PTPRN2: variants seen among roughly 807,000 people sequenced by gnomAD.
PTPRN2 encodes protein tyrosine phosphatase receptor type N2.
In PTPRN2, 74 loss-of-function variants were observed where a neutral mutation model predicts 118.8. That is an observed-to-expected ratio of 0.62 (90% confidence interval 0.52 to 0.76). The LOEUF (loss-of-function observed/expected upper bound fraction) is 0.76. Among genes scored for constraint, PTPRN2 ranks in the 30% least tolerant of loss-of-function variants. The pLI is 0.00. For synonymous variants in PTPRN2, 641 were observed against 608.0 expected (o/e 1.05, Z -0.80); for missense variants, 1,481 against 1,394.4 (o/e 1.06, Z -0.99).
intron 10 of PTPRN2, among the ~76,000 whole-genome samples, chr7:158,097,932 G>A (rs958842093): frequency 1.3e-5 from 2 of 152,168 alleles, no homozygotes; most frequent in African/African-American, 4.8e-5. Flanking sequence ...GGAACAATGA[G>A]CAGCTCCCAG....
intron 3 of PTPRN2, among the ~76,000 whole-genome samples, chr7:158,269,749 GAGAGAC>G (rs1798168202): frequency 7.1e-6 from 1 of 141,522 alleles, no homozygotes; most frequent in African/African-American, 2.7e-5. Flanking sequence ...CAGAGACAGA[GAGAGAC>G]AGAGACAGAG....
At chr7:157,658,527 G>A (rs1795710174) in intron 13 of PTPRN2, among the ~76,000 whole-genome samples, 1 of 152,186 alleles carries the variant, frequency 6.6e-6, no homozygotes, top group South Asian at 2.1e-4. Flanking sequence ...GGCATCCCGA[G>A]CACCTGCCCG....
intron 5 of PTPRN2, among the ~76,000 whole-genome samples, chr7:158,168,121 A>G (rs1025480015): frequency 9.8e-5 from 15 of 152,360 alleles, no homozygotes; most frequent in Admixed American, 6.5e-4. Flanking sequence ...ATGGATGCAG[A>G]TGCCAGTTCC....
chr7:157,626,368 G>T (rs1411796793), intron 14 of PTPRN2, among the ~76,000 whole-genome samples: 1 of 152,132 alleles, frequency 6.6e-6, no homozygotes, highest in East Asian at 1.9e-4. Flanking sequence ...CCATAAGACT[G>T]CTTCTCAGCC....
chr7:157,791,026 G>A (rs1002383652), intron 12 of PTPRN2, among the ~76,000 whole-genome samples: 12 of 152,018 alleles, frequency 7.9e-5, no homozygotes, highest in African/African-American at 2.7e-4. Flanking sequence ...AAGTAATTTG[G>A]CAATAAAAAT....
At position 157,539,541 on chromosome 7, in the gene PTPRN2, A is replaced by G. The variant is rs1030184645; in HGVS notation, c.*1173T>C. The G allele has an allele frequency of 6.6e-6, 1 of 152,218 alleles. No individual in the cohort carries two copies. Among genetic ancestry groups the G allele is most frequent in the African/African-American group, 2.4e-5 (1 of 41,438 alleles). The allele number at this position is 152,218 out of a possible 1,614,324, so 9.4% of individuals were successfully genotyped here. A position where few individuals can be genotyped will look rare whatever the true frequency, so the allele number is the denominator to read the frequency against. On this transcript the variant is annotated 3_prime_UTR_variant, in exon 23 of 23. Coordinates refer to ENST00000389418, the MANE Select transcript of PTPRN2 (RefSeq NM_002847.5). Reference sequence around the variant, plus strand: ...GGGTGATGGCGAATCGGATACTCAAATGTTATTTTGTCAAATCCGAATCAT... The same window carrying G: ...GGGTGATGGCGAATCGGATACTCAAGTGTTATTTTGTCAAATCCGAATCAT...
chr7:158,523,397 G>C (rs1824376529), intron 1 of PTPRN2, among the ~76,000 whole-genome samples: 2 of 132,114 alleles, frequency 1.5e-5, no homozygotes, highest in Admixed American at 1.5e-4. Context: ...CTGGAGCGGA[G>C]TCATCTGCCC....
chr7:158,503,801 G>A (rs148878457), intron 1 of PTPRN2, among the ~76,000 whole-genome samples: 104 of 152,244 alleles, frequency 6.8e-4, no homozygotes, highest in Non-Finnish European at 1.3e-3. Context: ...AGGAGTTGTA[G>A]ACCAGCCTGG....
chr7:158,393,890 G>A (rs1342530205), intron 2 of PTPRN2, among the ~76,000 whole-genome samples: 4 of 151,866 alleles, frequency 2.6e-5, no homozygotes, highest in East Asian at 1.9e-4. Context: ...CCAAGGCCAC[G>A]TCCCCTAACA....
chr7:157,963,665 G>C (rs1408945124), intron 11 of PTPRN2, among the ~76,000 whole-genome samples: 1 of 152,206 alleles, frequency 6.6e-6, no homozygotes, highest in Non-Finnish European at 1.5e-5. Context: ...AGTCTGCAGG[G>C]GGGAGATCTG....
intron 11 of PTPRN2, among the ~76,000 whole-genome samples, chr7:157,968,661 C>T (rs1802105759): frequency 6.6e-6 from 1 of 152,188 alleles, no homozygotes; most frequent in African/African-American, 2.4e-5. Context: ...CCAGGGTCAT[C>T]CTTGCAGATG....
At chr7:158,358,959 TAAG>T (rs1808610709) in intron 2 of PTPRN2, among the ~76,000 whole-genome samples, 1 of 152,198 alleles carries the variant, frequency 6.6e-6, no homozygotes, top group South Asian at 2.1e-4. Context: ...TGAAAGTCTT[TAAG>T]AAGTGATAAA....
At chr7:157,712,316 C>T (rs1465309525) in intron 12 of PTPRN2, among the ~76,000 whole-genome samples, 2 of 152,162 alleles carry the variant, frequency 1.3e-5, no homozygotes, top group Non-Finnish European at 2.9e-5. Flanking sequence ...TGTGTCCCCT[C>T]AAGAGGATAT....
rs73173638 is a variant in PTPRN2 at position 158,157,831 on chromosome 7, A to C, written c.910+9100T>G. Among the ~76,000 whole-genome samples, 759 of 152,284 alleles carry C rather than the reference A, an allele frequency of 5.0e-3. 9 individuals are homozygous for C. Among genetic ancestry groups the C allele is most frequent in the African/African-American group, 0.017 (710 of 41,562 alleles). On this transcript the variant is annotated intron_variant, in intron 6 of 22. Transcript: ENST00000389418. ...GCTGCTGACTCCACGGTGTGCTGAC[A>C]CACAGGAAGAAAGGCCTCAGGCAGT...
intron 2 of PTPRN2, among the ~76,000 whole-genome samples, chr7:158,422,678 G>A (rs546429700): frequency 2.8e-5 from 4 of 145,230 alleles, no homozygotes; most frequent in Non-Finnish European, 4.4e-5. Context: ...CCAGGCTGAC[G>A]CTGCCGGCTT....
At chr7:157,746,476 A>C (rs1163495460) in intron 12 of PTPRN2, among the ~76,000 whole-genome samples, 1 of 144,644 alleles carries the variant, frequency 6.9e-6, no homozygotes, top group East Asian at 2.2e-4. Flanking sequence ...CGGGGCCCTG[A>C]GCAAGGAGAT....
At chr7:158,578,756 T>C (rs1162891808) in intron 1 of PTPRN2, among the ~76,000 whole-genome samples, 1 of 148,806 alleles carries the variant, frequency 6.7e-6, no homozygotes, top group Non-Finnish European at 1.5e-5. Context: ...CTTCTTCTCT[T>C]TTTTTTTTTG....
At position 157,942,137 on chromosome 7, in the gene PTPRN2, GCACAGGGGTCCTCGGCCCACCCTCCACA is replaced by G. The variant is rs1367284471; in HGVS notation, c.1724-43428_1724-43401del. Among the ~76,000 whole-genome samples, 818 of 88,116 alleles carry G rather than the reference GCACAGGGGTCCTCGGCCCACCCTCCACA, an allele frequency of 9.3e-3. 16 individuals carry two copies. Among genetic ancestry groups the G allele is most frequent in the Middle Eastern group, 0.038 (5 of 132 alleles). 57.8% of individuals were successfully genotyped at this position (88,116 alleles called of 152,430 possible). On this transcript the variant is annotated intron_variant, in intron 11 of 22. Coordinates refer to ENST00000389418, the MANE Select transcript of PTPRN2 (RefSeq NM_002847.5). Reference sequence around the variant, plus strand: ...AGGGTCCTCAGCATGCCTTCCACACGCACAGGGGTCCTCGGCCCACCCTCCACACACAGGGGTCCTCGGCCCACCCTCC... The same window carrying G: ...AGGGTCCTCAGCATGCCTTCCACACGCACAGGGGTCCTCGGCCCACCCTCC...
intron 2 of PTPRN2, among the ~76,000 whole-genome samples, chr7:158,406,073 G>A (rs535330090): frequency 0.013 from 1,326 of 105,262 alleles, 20 homozygotes; most frequent in Non-Finnish European, 0.018. Context: ...CTGAGATCCC[G>A]CAGTGGCTCA....
Sources: gnomAD v4.1 joint callset for allele counts (sites outside exome capture counted in the v4.1 genomes callset) on GRCh38, gnomAD v4.1.1 for gene constraint, MANE v1.5 for transcripts, NCBI Gene and HGNC (gene_info 2026-07-23, HGNC 2026-07-21) for gene names.